The following ZNF804B variants were observed in gnomAD, a reference collection of about 807,000 sequenced individuals.
The protein encoded by ZNF804B is zinc finger 804B.
ZNF804B carries 80 observed loss-of-function variants against 101.4 expected under a neutral mutation model. That is an observed-to-expected ratio of 0.79 (90% CI 0.66 to 0.95). The LOEUF (loss-of-function observed/expected upper bound fraction) is 0.95, where lower values mean the gene tolerates loss of function less well. Ranked by LOEUF, ZNF804B falls within the 40% of genes least tolerant of loss-of-function variation. ZNF804B has a pLI of 0.00. For missense variants in ZNF804B, 1,673 were observed against 1,561.9 expected, an observed-to-expected ratio of 1.07 and a Z score of -1.20; for synonymous variants, 622 against 558.8, an observed-to-expected ratio of 1.11 and a Z score of -1.59.
rs75751087 is a variant in ZNF804B, at chr7:88,818,848, C to A, written c.108+58764C>A. Among the ~76,000 whole-genome samples, 1,242 of 152,220 alleles carry A rather than the reference C, an allele frequency of 8.2e-3. 21 individuals are homozygous for A. The highest frequency in any genetic ancestry group is 0.028 in the African/African-American group (1,152 of 41,528). On this transcript the variant is annotated intron_variant, in intron 1 of 3. Coordinates refer to ENST00000333190, the MANE Select transcript of ZNF804B (RefSeq NM_181646.5). ...CTAAAGTACTGCTCATGAAATCACT[C>A]AATGAACTGTCAGGTCTATCACAAT...
At chr7:89,174,596 C>A (rs1226119829) in intron 1 of ZNF804B, among the ~76,000 whole-genome samples, 1 of 151,994 alleles carries the variant, frequency 6.6e-6, no homozygotes, top group Non-Finnish European at 1.5e-5. Context: ...CATTTACTTT[C>A]TTCTGGGTAT....
intron 2 of ZNF804B, among the ~76,000 whole-genome samples, chr7:89,301,864 G>A (rs1319797917): frequency 1.3e-5 from 2 of 151,716 alleles, no homozygotes; most frequent in African/African-American, 4.8e-5. Flanking sequence ...TTATGATGTT[G>A]CACTAAAAAT....
rs554281279 is a variant in ZNF804B at position 88,871,837 on chromosome 7, G to T, written c.108+111753G>T. Among the ~76,000 whole-genome samples, 116 of 152,136 alleles carry T rather than the reference G, an allele frequency of 7.6e-4. 1 individual carries two copies. The highest frequency in any genetic ancestry group is 2.6e-3 in the African/African-American group (110 of 41,516). Reference sequence around the variant, plus strand: ...ACAAAAGTTAGCCGGGCGTGGTGGTGCATGCCTGTAATCCCAGCTACTACG... The same window carrying T: ...ACAAAAGTTAGCCGGGCGTGGTGGTTCATGCCTGTAATCCCAGCTACTACG... On this transcript the variant is annotated intron_variant, in intron 1 of 3. Coordinates refer to ENST00000333190, the MANE Select transcript of ZNF804B (RefSeq NM_181646.5).
chr7:88,903,135 A>G (rs1391330396), intron 1 of ZNF804B, among the ~76,000 whole-genome samples: 1 of 145,958 alleles, frequency 6.9e-6, no homozygotes, highest in Non-Finnish European at 1.5e-5. Flanking sequence ...GTGTTAATTG[A>G]TTCCATCTTT....
chr7:89,017,618 C>T (rs911208819), intron 1 of ZNF804B, among the ~76,000 whole-genome samples: 1 of 151,944 alleles, frequency 6.6e-6, no homozygotes, highest in Admixed American at 6.6e-5. Context: ...ATAGTATGGC[C>T]ATTTTATCGT....
chr7:88,807,777 G>T (rs1790715026), intron 1 of ZNF804B, among the ~76,000 whole-genome samples: 1 of 152,174 alleles, frequency 6.6e-6, no homozygotes, highest in African/African-American at 2.4e-5. Flanking sequence ...TTGAGAATCA[G>T]TAAATAATTG....
In ZNF804B at chr7:88,854,529, T is replaced by TCCTTCCCTTCCCTTCCCTTC. The variant is rs1562812908; in HGVS notation, c.108+94451_108+94452insCTTCCCTTCCCTTCCCTTCC. Among the ~76,000 whole-genome samples the TCCTTCCCTTCCCTTCCCTTC allele has an allele frequency of 6.9e-4, 40 of 57,918 alleles. 1 individual carries two copies. Among genetic ancestry groups the TCCTTCCCTTCCCTTCCCTTC allele is most frequent in the African/African-American group, 2.3e-3 (31 of 13,722 alleles). 38.0% of individuals were successfully genotyped at this position (57,918 alleles called of 152,430 possible). A position where few individuals can be genotyped will look rare whatever the true frequency, so the allele number is the denominator to read the frequency against. Reference sequence around the variant, plus strand: ...TTCCTTTCCTTTCCTTTCCTTCCTTTCCTTCCTTCCTTCCTTCCTTCCTTC... The same window carrying TCCTTCCCTTCCCTTCCCTTC: ...TTCCTTTCCTTTCCTTTCCTTCCTTTCCTTCCCTTCCCTTCCCTTCCCTTCCTTCCTTCCTTCCTTCCTTC... On this transcript the variant is annotated intron_variant, in intron 1 of 3. Transcript: ENST00000333190.
chr7:89,219,389 G>C (rs1788946325), intron 2 of ZNF804B, among the ~76,000 whole-genome samples: 1 of 149,764 alleles, frequency 6.7e-6, no homozygotes. Flanking sequence ...ATGAAACATT[G>C]AAAACAGGCA....
At chr7:88,768,401 A>G (rs757268965) in intron 1 of ZNF804B, among the ~76,000 whole-genome samples, 4 of 152,342 alleles carry the variant, frequency 2.6e-5, no homozygotes, top group African/African-American at 9.6e-5. Context: ...TTAAGTACAT[A>G]TTTAGGCATT....
chr7:89,113,292 A>G (rs1790248445), intron 1 of ZNF804B, among the ~76,000 whole-genome samples: 1 of 152,222 alleles, frequency 6.6e-6, no homozygotes, highest in African/African-American at 2.4e-5. Flanking sequence ...TCATCGTACA[A>G]CGGGCCTCAA....
At chr7:89,036,577 T>G (rs529660588) in intron 1 of ZNF804B, among the ~76,000 whole-genome samples, 1 of 152,230 alleles carries the variant, frequency 6.6e-6, no homozygotes, top group African/African-American at 2.4e-5. Context: ...AATGATTGTA[T>G]TTTACAAAAC....
intron 1 of ZNF804B, among the ~76,000 whole-genome samples, chr7:88,898,998 T>C (rs1216258294): frequency 1.3e-5 from 2 of 152,156 alleles, no homozygotes; most frequent in Admixed American, 1.3e-4. Flanking sequence ...TAAGTTCCAG[T>C]TCTGAGTCTA....
Position 89,334,904 on chromosome 7 carries a change from C to T in ZNF804B, c.1922C>T (p.Pro641Leu). 6.2e-7 allele frequency: 1 copy of T among 1,613,764 alleles called. No individual in the cohort carries two copies. The highest frequency in any genetic ancestry group is 1.1e-5 in the South Asian group (1 of 91,074). The change falls in exon 4 of 4, where the codon CCC becomes CTC. Residue 641 changes from proline (P) to leucine (L), a missense_variant. Transcript: ENST00000333190. ...AGGTTTAAAAAGCATAAATTGATTCCCTGCAGTCCTCATTTGGAATTTGAA... is the reference window on the plus strand; with the variant it reads ...AGGTTTAAAAAGCATAAATTGATTCTCTGCAGTCCTCATTTGGAATTTGAA... ...ISRFKKHKLIPCSPHLEFEDE... is the reference protein window; with the variant it reads ...ISRFKKHKLILCSPHLEFEDE...
At chr7:89,106,632 C>T (rs75296368) in intron 1 of ZNF804B, among the ~76,000 whole-genome samples, 2,331 of 152,198 alleles carry the variant, frequency 0.015, 55 homozygotes, top group Admixed American at 0.054. Flanking sequence ...AAGTCCCTTA[C>T]TTCCACCAAA....
At chr7:89,100,337 G>C (rs920055363) in intron 1 of ZNF804B, among the ~76,000 whole-genome samples, 1 of 151,964 alleles carries the variant, frequency 6.6e-6, no homozygotes, top group Non-Finnish European at 1.5e-5. Flanking sequence ...GACTTAAATC[G>C]AAGCCATCCA....
chr7:88,958,573 G>T (rs943373389), intron 1 of ZNF804B, among the ~76,000 whole-genome samples: 1 of 151,460 alleles, frequency 6.6e-6, no homozygotes, highest in Non-Finnish European at 1.5e-5. Flanking sequence ...TATGAACTAT[G>T]TATAGTACTC....
At chr7:88,938,396 T>C (rs1793004735) in intron 1 of ZNF804B, among the ~76,000 whole-genome samples, 1 of 152,168 alleles carries the variant, frequency 6.6e-6, no homozygotes, top group African/African-American at 2.4e-5. Flanking sequence ...TATAGATGCA[T>C]GTTCTTCCCC....
At chr7:89,089,203 ACT>A (rs150390846) in intron 1 of ZNF804B, among the ~76,000 whole-genome samples, 2,153 of 150,782 alleles carry the variant, frequency 0.014, 62 homozygotes, top group African/African-American at 0.049. Context: ...TATATGATTA[ACT>A]CTATTTCTCA....
chr7:89,206,884 A>G (rs1184383031), intron 1 of ZNF804B, among the ~76,000 whole-genome samples: 1 of 152,202 alleles, frequency 6.6e-6, no homozygotes, highest in Admixed American at 6.5e-5. Context: ...CTCAAGTTCA[A>G]AGTTTCACAA....
Sources: allele counts gnomAD v4.1 joint callset (sites outside exome capture counted in the v4.1 genomes callset), GRCh38; gene constraint gnomAD v4.1.1; transcripts MANE v1.5; gene names NCBI Gene and HGNC (gene_info 2026-07-23, HGNC 2026-07-21).